TTN: variants seen among roughly 807,000 people sequenced by gnomAD.
TTN encodes titin.
In TTN, 1,525 loss-of-function variants were observed where a neutral mutation model predicts 3,223.0. The observed-to-expected ratio is 0.47, with a 90% CI of 0.45 to 0.49. The LOEUF is 0.49. Ranked by LOEUF, TTN falls within the 20% of genes least tolerant of loss-of-function variation. TTN has a pLI of 0.00. For missense variants in TTN, 40,786 were observed against 43,424.0 expected, an observed-to-expected ratio of 0.94 and a Z score of 5.40; for synonymous variants, 14,094 against 15,161.0, an observed-to-expected ratio of 0.93 and a Z score of 5.17.
In TTN at chr2:178,719,991, G is replaced by A. The variant is rs1180482059; in HGVS notation, c.23651C>T (p.Thr7884Ile). Residue 7884 changes from threonine (T) to isoleucine (I), a missense_variant, in exon 81 of 363, where the codon ACT becomes ATT. By Grantham distance (89) the Thr-to-Ile change is moderately conservative. Coordinates refer to ENST00000589042, the MANE Select transcript of TTN (RefSeq NM_001267550.2). ...AGMRECSAVL[T>I]VLEPARIIEK... The stretch of plus-strand genomic sequence containing the variant: ...TGTGCTTTGCTACTAACCTAGTACA[G>A]TCAAGACTGCAGAGCATTCTCTCAT... The A allele has an allele frequency of 2.5e-6, 4 of 1,608,090 alleles. No homozygotes were observed. In the South Asian group the frequency reaches 3.3e-5, roughly 13 times the overall value.
chr2:178,673,632 C>A lies in TTN; in HGVS notation c.34786+1G>T, dbSNP rs879010418. Reference sequence around the variant, plus strand: ...ATATTAATAATGAGGATTTGATATACCTTTAGCTGGTGGTGCCTCCACTTT... The same window carrying A: ...ATATTAATAATGAGGATTTGATATAACTTTAGCTGGTGGTGCCTCCACTTT... On this transcript the variant is annotated splice_donor_variant, in intron 152 of 362. Transcript: ENST00000589042. LOFTEE classifies it high-confidence loss of function. 2 of 1,587,038 alleles carry A rather than the reference C, an allele frequency of 1.3e-6. No homozygotes were observed. Among genetic ancestry groups the A allele is most frequent in the African/African-American group, 2.7e-5 (2 of 73,244 alleles).
chr2:178,605,040 G>GT lies in TTN; in HGVS notation c.54136dup (p.Thr18046AsnfsTer16). On this transcript the variant is annotated frameshift_variant, in exon 280 of 363. Transcript: ENST00000589042. LOFTEE classifies it high-confidence loss of function. ...CACTGAGCCAAGGCGATTGGAAGCA[G>GT]TAACTGTGTAAGTGCCTTTGTCCTC... 1 of 1,610,470 alleles carries GT rather than the reference G, an allele frequency of 6.2e-7. No individual in the cohort carries two copies. Among genetic ancestry groups the GT allele is most frequent in the Non-Finnish European group, 8.5e-7 (1 of 1,177,712 alleles).
At position 178,799,607 on chromosome 2, in the gene TTN, G is replaced by A; in HGVS notation, c.794C>T (p.Ser265Phe). The change falls in exon 6 of 363, where the codon TCC becomes TTC. Residue 265 changes from serine to phenylalanine, a missense_variant. Coordinates refer to ENST00000589042, the MANE Select transcript of TTN (RefSeq NM_001267550.2). ...GGCAGCAATAGACGGTGGTGTTGGG[G>A]ATCTTGACTTTGGCTTCGGAGGAAT... ...PRIPPKPKSR[S>F]PTPPSIAAKA... is the part of the protein sequence containing the mutation. 6.2e-7 allele frequency: 1 copy of A among 1,614,116 alleles called. No homozygotes were observed. The highest frequency in any genetic ancestry group is 8.5e-7 in the Non-Finnish European group (1 of 1,180,000).
chr2:178,700,036 T>C (rs2074681590), intron 111 of TTN, among the ~76,000 whole-genome samples: 1 of 152,210 alleles, frequency 6.6e-6, no homozygotes, highest in Non-Finnish European at 1.5e-5. Context: ...TTTTAAAACA[T>C]TATTTAACTT....
In TTN at chr2:178,669,354, C is replaced by G. The variant is rs1366264126; in HGVS notation, c.35545+19G>C. Reference sequence around the variant, plus strand: ...ACATAAATGAAACGAAAAAGAACCACTAATTTTTCTACACTCACTGTACAT... The same window carrying G: ...ACATAAATGAAACGAAAAAGAACCAGTAATTTTTCTACACTCACTGTACAT... On this transcript the variant is annotated intron_variant, in intron 159 of 362. Transcript: ENST00000589042. 6.6e-7 allele frequency: 1 copy of G among 1,515,064 alleles called. No individual in the cohort carries two copies. The highest frequency in any genetic ancestry group is 1.3e-5 in the South Asian group (1 of 80,000). 93.9% of individuals were successfully genotyped at this position (1,515,064 alleles called of 1,614,324 possible).
intron 150 of TTN, 93 bp downstream of exon 150, chr2:178,674,946 C>T (rs552767695): frequency 3.4e-5 from 22 of 638,972 alleles, no homozygotes; most frequent in Non-Finnish European, 5.2e-5. Context: ...TGTTGATTTC[C>T]TGGGGTAAAT....
intron 99 of TTN, 88 bp from the exon 100 acceptor site, chr2:178,707,901 C>G: frequency 7.1e-7 from 1 of 1,410,430 alleles, no homozygotes; most frequent in Non-Finnish European, 9.5e-7. Context: ...GAAAAACTGG[C>G]CTCTAACAGG....
At position 178,698,871 on chromosome 2, in the gene TTN, T is replaced by C. The variant is rs1480251946; in HGVS notation, c.30726A>G (p.Ala10242=). The C allele has an allele frequency of 1.3e-6, 2 of 1,541,098 alleles. No homozygotes were observed. Among genetic ancestry groups the C allele is most frequent in the East Asian group, 2.4e-5 (1 of 41,176 alleles). Residue 10242 remains alanine, a synonymous_variant, in exon 112 of 363, where the codon GCA becomes GCG. Transcript: ENST00000589042. The part of the protein sequence containing the change: ...AVKKDAKKVV[A]KPKEMTPREE... ...CACGTGGTGTCATCTCTTTGGGCTT[T>C]GCAACAACTTTTTTGGCATCTTTCT...
In TTN at chr2:178,735,677, T is replaced by G; in HGVS notation, c.14769A>C (p.Lys4923Asn). ...TCCCTGGGGGGAGTTTTTGCCCATC[T>G]TTGCTCCACGTAACTGTGACTTTTC... ...EDRKVTVTWS[K>N]DGQKLPPGKD... Residue 4923 changes from lysine (K) to asparagine (N), a missense_variant, in exon 50 of 363, where the codon AAA becomes AAC. Lys to Asn is a moderately conservative substitution (Grantham distance 94). Coordinates refer to ENST00000589042, the MANE Select transcript of TTN (RefSeq NM_001267550.2). The G allele has an allele frequency of 6.2e-7, 1 of 1,613,838 alleles. No individual in the cohort carries two copies. Among genetic ancestry groups the G allele is most frequent in the Non-Finnish European group, 8.5e-7 (1 of 1,179,824 alleles).
Position 178,739,508 on chromosome 2 carries a change from T to A in TTN, c.13725A>T (p.Glu4575Asp). Reference sequence around the variant, plus strand: ...CACTTTCAGAGGAAGACTCCTCTTTTTCCTCTGATGGTTTCAGACTCTCAT... The same window carrying A: ...CACTTTCAGAGGAAGACTCCTCTTTATCCTCTGATGGTTTCAGACTCTCAT... ...KQDESLKPSE[E>D]KEESSSESGT... Residue 4575 changes from glutamate to aspartate, a missense_variant, in exon 48 of 363, where the codon GAA becomes GAT. Coordinates refer to ENST00000589042, the MANE Select transcript of TTN (RefSeq NM_001267550.2). 1 of 1,613,826 alleles carries A rather than the reference T, an allele frequency of 6.2e-7. No individual in the cohort carries two copies. The highest frequency in any genetic ancestry group is 8.5e-7 in the Non-Finnish European group (1 of 1,179,822).
In TTN at chr2:178,624,653, A is replaced by C; in HGVS notation, c.44627T>G (p.Val14876Gly). ...TTTCACCTTAGCATTTTCTCTGGAG[A>C]CTTCACACTCCAGCACTGCAGTGGC... Reference protein sequence around the residue: ...EGATAVLECEVSRENAKVKWF... With the variant: ...EGATAVLECEGSRENAKVKWF... The change falls in exon 242 of 363, where the codon GTC becomes GGC. Residue 14876 changes from valine to glycine, a missense_variant. Coordinates refer to ENST00000589042, the MANE Select transcript of TTN (RefSeq NM_001267550.2). The C allele has an allele frequency of 6.2e-7, 1 of 1,612,370 alleles. No individual in the cohort carries two copies. The highest frequency in any genetic ancestry group is 8.5e-7 in the Non-Finnish European group (1 of 1,179,074).
chr2:178,600,410 C>CATATATATATATAT (rs10684593), intron 288 of TTN: 111 of 142,216 alleles, frequency 7.8e-4, no homozygotes, highest in East Asian at 3.8e-3. Context: ...GAATTATTAC[C>CATATATATATATAT]ATATATATAT....
chr2:178,609,245 G>A lies in TTN; in HGVS notation c.52065C>T (p.His17355=), dbSNP rs766993798. The change falls in exon 273 of 363, where the codon CAC becomes CAT. Residue 17355 remains histidine, a synonymous_variant. Transcript: ENST00000589042. The part of the protein sequence containing the change: ...GLYMIKVEND[H]GIAKAPCTVS... ...CAGTACAAGGAGCTTTTGCAATACC[G>A]TGGTCATTTTCAACTTTGATCATAT... 1.3e-5 allele frequency: 20 copies of A among 1,531,114 alleles called. No homozygotes were observed. The South Asian group carries it at 1.3e-4, about 10-fold the overall frequency. 94.8% of individuals were successfully genotyped at this position (1,531,114 alleles called of 1,614,324 possible).
intron 142 of TTN, 135 bp downstream of exon 142, chr2:178,679,204 T>C (rs947915790): frequency 1.2e-6 from 1 of 859,774 alleles, no homozygotes; most frequent in Non-Finnish European, 1.8e-6. Context: ...ACTGCTCCTG[T>C]GGCCAGTTGA....
At position 178,735,601 on chromosome 2, in the gene TTN, A is replaced by C; in HGVS notation, c.14845T>G (p.Leu4949Val). 6.2e-7 allele frequency: 1 copy of C among 1,613,526 alleles called. No homozygotes were observed. The highest frequency in any genetic ancestry group is 8.5e-7 in the Non-Finnish European group (1 of 1,179,706). The change falls in exon 50 of 363, where the codon TTG becomes GTG. Residue 4949 changes from leucine (L) to valine (V), a missense_variant. Coordinates refer to ENST00000589042, the MANE Select transcript of TTN (RefSeq NM_001267550.2). Reference sequence around the variant, plus strand: ...GTTCCTGAATCTTTCAGTTTGGCCAAAGGAATCTCAAGTGTTGCTATTTTA... The same window carrying C: ...GTTCCTGAATCTTTCAGTTTGGCCACAGGAATCTCAAGTGTTGCTATTTTA... ...EDKIATLEIP[L>V]AKLKDSGTYV... is the part of the protein sequence containing the mutation.
Position 178,612,229 on chromosome 2 carries a change from T to G in TTN, c.50248+48A>C, listed in dbSNP as rs1467593464. The G allele has an allele frequency of 2.5e-6, 4 of 1,604,560 alleles. No homozygotes were observed. In the Middle Eastern group the frequency reaches 6.7e-4, roughly 267 times the overall value. On this transcript the variant is annotated intron_variant, in intron 266 of 362. Transcript: ENST00000589042. ...GGTGATAATCTCCTGTCACAAAAAT[T>G]AAGTGCGAGAGCACTTATTGTCACA...
At chr2:178,735,469 T>G (rs2081281769) in intron 50 of TTN, 42 bp downstream of exon 50, 13 of 1,493,346 alleles carry the variant, frequency 8.7e-6, no homozygotes, top group Non-Finnish European at 1.2e-5. Context: ...TGAGGATTCC[T>G]TGCAGAGAAG....
chr2:178,634,419 A>G lies in TTN; in HGVS notation c.42362T>C (p.Val14121Ala). The change falls in exon 230 of 363, where the codon GTC becomes GCC. Residue 14121 changes from valine (V) to alanine (A), a missense_variant. Physicochemically the swap from Val to Ala is moderately conservative, Grantham distance 64 (BLOSUM62 0). Coordinates refer to ENST00000589042, the MANE Select transcript of TTN (RefSeq NM_001267550.2). This position sits in a 1 kb window ranked among gnomAD's most constrained non-coding sequence, Gnocchi z 4.6. ...INDSQFDDEGVYTAEVEGKKT... is the reference protein window; with the variant it reads ...INDSQFDDEGAYTAEVEGKKT... ...CTTGCCCTCCACCTCAGCAGTATAG[A>G]CCCCTTCATCATCAAATTGAGAATC... 6.2e-7 allele frequency: 1 copy of G among 1,612,860 alleles called. No homozygotes were observed. The highest frequency in any genetic ancestry group is 8.5e-7 in the Non-Finnish European group (1 of 1,179,420).
intron 100 of TTN, 69 bp downstream of exon 100, chr2:178,707,457 A>G: frequency 6.8e-7 from 1 of 1,469,674 alleles, no homozygotes; most frequent in Non-Finnish European, 9.1e-7. Flanking sequence ...TTCTAGGGAA[A>G]TCATAATAAG....
Sources: gnomAD v4.1 joint callset for allele counts (sites outside exome capture counted in the v4.1 genomes callset) on GRCh38, gnomAD v4.1.1 for gene constraint, Gnocchi (gnomAD v3.1) non-coding constraint, MANE v1.5 for transcripts, NCBI Gene and HGNC (gene_info 2026-07-23, HGNC 2026-07-21) for gene names.